The following BBX variants were observed in gnomAD, a reference collection of about 807,000 sequenced individuals.
The protein encoded by BBX is HMG box transcription factor BBX.
Under a neutral mutation model 100.2 loss-of-function variants are expected in BBX, and 30 were observed. The ratio of observed to expected loss-of-function variants is 0.30; its 90% CI spans 0.22 to 0.41. The LOEUF (loss-of-function observed/expected upper bound fraction) is 0.41. Among genes scored for constraint, BBX ranks in the 10% least tolerant of loss-of-function variants. BBX has a pLI of 1.00. For missense variants in BBX, 1,023 were observed against 1,129.8 expected, an observed-to-expected ratio of 0.91 and a Z score of 1.35; for synonymous variants, 376 against 388.1, an observed-to-expected ratio of 0.97 and a Z score of 0.37.
intron 3 of BBX, among the ~76,000 whole-genome samples, chr3:107,649,010 T>G (rs955533797): frequency 1.3e-5 from 2 of 152,200 alleles, no homozygotes; most frequent in African/African-American, 4.8e-5. Flanking sequence ...TTTAATGGAC[T>G]CACCGTTTCA....
At chr3:107,798,822 A>C in intron 16 of BBX, 102 bp downstream of exon 16, 3 of 1,089,246 alleles carry the variant, frequency 2.8e-6, no homozygotes, top group Non-Finnish European at 4.0e-6. Context: ...TACACTAACA[A>C]TAGCCAATGA....
At position 107,772,902 on chromosome 3, in the gene BBX, A is replaced by G. The variant is rs373128063; in HGVS notation, c.1181A>G (p.Lys394Arg). 2 of 1,609,284 alleles carry G rather than the reference A, an allele frequency of 1.2e-6. No individual in the cohort carries two copies. The highest frequency in any genetic ancestry group is 2.2e-5 in the East Asian group (1 of 44,868). Residue 394 changes from lysine (K) to arginine (R), a missense_variant, in exon 11 of 18, where the codon AAG becomes AGG. Around this residue, in one of 9 missense-constraint regions of BBX, gnomAD observed 348 missense variants for 353.2 expected, o/e 0.99. Coordinates refer to ENST00000325805, the MANE Select transcript of BBX (RefSeq NM_001142568.3). ...ATGGAAGATCCCAAAGAAATTAGAAAGGAAGAGTTAGAAGAAGATCACAAA... is the reference window on the plus strand; with the variant it reads ...ATGGAAGATCCCAAAGAAATTAGAAGGGAAGAGTTAGAAGAAGATCACAAA... ...IKMEDPKEIR[K>R]EELEEDHKCS...
intron 2 of BBX, among the ~76,000 whole-genome samples, chr3:107,619,929 C>A (rs1313447908): frequency 6.6e-6 from 1 of 152,044 alleles, no homozygotes; most frequent in Non-Finnish European, 1.5e-5. Context: ...ATATATGTTT[C>A]TTTGCCACAG....
chr3:107,607,262 A>G (rs2054517688), intron 2 of BBX, among the ~76,000 whole-genome samples: 1 of 151,978 alleles, frequency 6.6e-6, no homozygotes, highest in Admixed American at 6.6e-5. Context: ...ATGCCTAGCT[A>G]ATATTTATAT....
intron 2 of BBX, among the ~76,000 whole-genome samples, chr3:107,563,584 C>T (rs148875566): frequency 1.4e-3 from 206 of 152,224 alleles, no homozygotes; most frequent in African/African-American, 4.7e-3. Context: ...ACAAGTAATA[C>T]ATGAATACAT....
chr3:107,764,280 C>A (rs1321507976), intron 10 of BBX, among the ~76,000 whole-genome samples: 1 of 152,226 alleles, frequency 6.6e-6, no homozygotes, highest in Non-Finnish European at 1.5e-5. Flanking sequence ...GCGTGAGCCA[C>A]CACGCCCAGC....
chr3:107,561,376 A>T (rs1056408668), intron 2 of BBX, among the ~76,000 whole-genome samples: 5 of 152,232 alleles, frequency 3.3e-5, no homozygotes, highest in Admixed American at 3.3e-4. Flanking sequence ...GCAATTCTAT[A>T]TCGATCTATA....
At chr3:107,731,561 T>C (rs1291803408) in intron 6 of BBX, among the ~76,000 whole-genome samples, 1 of 152,194 alleles carries the variant, frequency 6.6e-6, no homozygotes, top group Admixed American at 6.6e-5. Flanking sequence ...TTTGTCTGTG[T>C]ATTCTCTGTG....
chr3:107,532,689 T>C (rs1262388759), intron 2 of BBX, among the ~76,000 whole-genome samples: 2 of 152,220 alleles, frequency 1.3e-5, no homozygotes, highest in African/African-American at 4.8e-5. Context: ...GGTTTTCAAA[T>C]GGTACTGTCG....
intron 2 of BBX, among the ~76,000 whole-genome samples, chr3:107,614,154 T>C (rs1431338067): frequency 6.6e-6 from 1 of 151,820 alleles, no homozygotes; most frequent in Non-Finnish European, 1.5e-5. Flanking sequence ...GTTTCCCCCT[T>C]TTGGCCAGGA....
chr3:107,579,539 G>A (rs188760828), intron 2 of BBX, among the ~76,000 whole-genome samples: 268 of 152,336 alleles, frequency 1.8e-3, no homozygotes, highest in African/African-American at 6.3e-3. Context: ...CTGTCTGGAA[G>A]GGTCACATTA....
intron 7 of BBX, among the ~76,000 whole-genome samples, chr3:107,742,732 C>T (rs2064215914): frequency 6.6e-6 from 1 of 152,084 alleles, no homozygotes; most frequent in Non-Finnish European, 1.5e-5. Context: ...CATGTGTAGA[C>T]TTATTTGATT....
At position 107,808,025 on chromosome 3, in the gene BBX, G is replaced by GAGGA. The variant is rs1400695911; in HGVS notation, c.*2569_*2572dup. ...CTTCTCATGCCCTGAAACTGCTGGA[G>GAGGA]AGGAGTGTTGTTATTTTCAGGTAAC... On this transcript the variant is annotated 3_prime_UTR_variant, in exon 18 of 18. Transcript: ENST00000325805. 6.6e-6 allele frequency: 1 copy of GAGGA among 152,154 alleles called. No homozygotes were observed. Among genetic ancestry groups the GAGGA allele is most frequent in the African/African-American group, 2.4e-5 (1 of 41,426 alleles). 9.4% of individuals were successfully genotyped at this position (152,154 alleles called of 1,614,324 possible). A position where few individuals can be genotyped will look rare whatever the true frequency, so the allele number is the denominator to read the frequency against.
chr3:107,717,165 G>A (rs1335284414), intron 5 of BBX, among the ~76,000 whole-genome samples: 1 of 152,126 alleles, frequency 6.6e-6, no homozygotes, highest in Admixed American at 6.6e-5. Context: ...ACAGTGAATG[G>A]TGATTTGTTT....
At chr3:107,582,770 C>T (rs1031048263) in intron 2 of BBX, among the ~76,000 whole-genome samples, 5 of 151,850 alleles carry the variant, frequency 3.3e-5, no homozygotes, top group African/African-American at 7.3e-5. Flanking sequence ...TTTAATGTAA[C>T]GGTTAGATTT....
intron 2 of BBX, among the ~76,000 whole-genome samples, chr3:107,629,582 G>GT (rs947866038): frequency 5.1e-4 from 77 of 149,568 alleles, no homozygotes; most frequent in Middle Eastern, 6.9e-3. Context: ...CATGGGATAT[G>GT]TTTTTTTTTT....
In BBX at chr3:107,773,353, A is replaced by G. The variant is rs1198465724; in HGVS notation, c.1632A>G (p.Ser544=). The change falls in exon 11 of 18, where the codon TCA becomes TCG. Residue 544 remains serine, a synonymous_variant. Coordinates refer to ENST00000325805, the MANE Select transcript of BBX (RefSeq NM_001142568.3). This position sits in a 1 kb window ranked among gnomAD's most constrained non-coding sequence, Gnocchi z 4.1. ...AGAAAATGTCAAAGGAGAAATCCTC[A>G]GACACCACCAAAGAGTCAAGACCTC... is the stretch of plus-strand genomic sequence containing the variant. The part of the protein sequence containing the change: ...REKKMSKEKS[S]DTTKESRPPD... 1 of 1,614,146 alleles carries G rather than the reference A, an allele frequency of 6.2e-7. No individual in the cohort carries two copies. The highest frequency in any genetic ancestry group is 8.5e-7 in the Non-Finnish European group (1 of 1,180,012).
intron 2 of BBX, among the ~76,000 whole-genome samples, chr3:107,583,740 A>G (rs927871634): frequency 2.0e-5 from 3 of 150,056 alleles, no homozygotes; most frequent in African/African-American, 7.3e-5. Flanking sequence ...CACTGTGTTT[A>G]TGGCTTTCTT....
intron 2 of BBX, among the ~76,000 whole-genome samples, chr3:107,633,722 C>T (rs1342197323): frequency 2.0e-5 from 3 of 152,224 alleles, no homozygotes; most frequent in Non-Finnish European, 4.4e-5. Context: ...ACGGAACCCC[C>T]AAAACTGCCT....
Sources: gnomAD v4.1 joint callset for allele counts (sites outside exome capture counted in the v4.1 genomes callset) on GRCh38, gnomAD v4.1.1 for gene constraint, gnomAD v4.1.1 regional missense constraint, Gnocchi (gnomAD v3.1) non-coding constraint, MANE v1.5 for transcripts, NCBI Gene and HGNC (gene_info 2026-07-23, HGNC 2026-07-21) for gene names.